The following ATAD2B variants were observed in gnomAD, a reference collection of about 807,000 sequenced individuals.
ATAD2B encodes the protein ATPase family AAA domain-containing protein 2B.
A neutral mutation model predicts 167.6 loss-of-function variants in ATAD2B; 40 were observed. The ratio of observed to expected loss-of-function variants is 0.24; its 90% CI spans 0.19 to 0.31. The LOEUF (loss-of-function observed/expected upper bound fraction) is 0.31, where lower values mean the gene tolerates loss of function less well. Among genes scored for constraint, ATAD2B ranks in the 10% least tolerant of loss-of-function variants. ATAD2B has a pLI of 1.00. For missense variants in ATAD2B, 1,242 were observed against 1,757.2 expected (o/e 0.71, Z 5.24); for synonymous variants, 579 against 596.5 (o/e 0.97, Z 0.43).
chr2:23,874,584 TC>T (rs1185194559), intron 8 of ATAD2B, among the ~76,000 whole-genome samples: 2 of 151,590 alleles, frequency 1.3e-5, no homozygotes, highest in Admixed American at 1.3e-4. Context: ...GTGCCTGTAG[TC>T]CCAGCTACTC....
At chr2:23,818,834 A>C (rs1687001319) in intron 17 of ATAD2B, among the ~76,000 whole-genome samples, 1 of 152,238 alleles carries the variant, frequency 6.6e-6, no homozygotes, top group African/African-American at 2.4e-5. Context: ...TTAAAATTAC[A>C]TTTGCACTAA....
chr2:23,863,656 A>AGGGGG, intron 11 of ATAD2B, 101 bp from the exon 12 acceptor site: 1 of 1,116,614 alleles, frequency 9.0e-7, no homozygotes, highest in Non-Finnish European at 1.2e-6. Context: ...TTTGTATTGA[A>AGGGGG]GTATAATTAT....
chr2:23,711,107 C>T, the ATAD2B span, among the ~76,000 whole-genome samples: 1 of 151,996 alleles, frequency 6.6e-6, no homozygotes, highest in Non-Finnish European at 1.5e-5. Context: ...ATGTGATACA[C>T]ATATATAAAG....
intron 25 of ATAD2B, 106 bp downstream of exon 25, chr2:23,757,312 G>T: frequency 1.2e-6 from 1 of 814,174 alleles, no homozygotes; most frequent in Non-Finnish European, 1.8e-6. Context: ...ATTCTCAGAG[G>T]GGTATAATTA....
At chr2:23,772,152 T>C (rs933892894) in intron 22 of ATAD2B, among the ~76,000 whole-genome samples, 1 of 152,052 alleles carries the variant, frequency 6.6e-6, no homozygotes, top group Non-Finnish European at 1.5e-5. Context: ...CATTGTGTCA[T>C]GTGAGGGGGT....
chr2:23,828,967 A>G, intron 14 of ATAD2B, 28 bp from the exon 15 acceptor site: 3 of 1,457,196 alleles, frequency 2.1e-6, no homozygotes, highest in Non-Finnish European at 2.9e-6. Context: ...GATACATAAA[A>G]TCTTGCCCAA....
At chr2:23,733,700 C>T in the ATAD2B span, among the ~76,000 whole-genome samples, 3 of 152,122 alleles carry the variant, frequency 2.0e-5, no homozygotes, top group Non-Finnish European at 4.4e-5. Context: ...AAGAGCAATT[C>T]CAGGCCCCTT....
At chr2:23,884,913 T>G (rs1334767962) in intron 5 of ATAD2B, 40 bp from the exon 6 acceptor site, 3 of 1,327,064 alleles carry the variant, frequency 2.3e-6, no homozygotes, top group Admixed American at 5.1e-5. Flanking sequence ...AACATGACAT[T>G]TATTCTCCAC....
chr2:23,743,934 T>TA (rs962801192), downstream of ATAD2B, among the ~76,000 whole-genome samples: 5 of 151,878 alleles, frequency 3.3e-5, no homozygotes, highest in Non-Finnish European at 5.9e-5. Flanking sequence ...TGATTATACA[T>TA]AAAAAAACAG....
At chr2:23,877,872 A>G (rs969087035) in intron 7 of ATAD2B, among the ~76,000 whole-genome samples, 1 of 151,302 alleles carries the variant, frequency 6.6e-6, no homozygotes, top group Non-Finnish European at 1.5e-5. Flanking sequence ...AAAGAAAAAG[A>G]AAAAAAGAAC....
At chr2:23,699,315 A>G in the ATAD2B span, among the ~76,000 whole-genome samples, 2 of 152,218 alleles carry the variant, frequency 1.3e-5, no homozygotes, top group East Asian at 1.9e-4. Flanking sequence ...CTGGTGGCAC[A>G]GCATGCCATG....
At chr2:23,693,248 G>A in the ATAD2B span, 4 of 1,535,384 alleles carry the variant, frequency 2.6e-6, no homozygotes, top group Admixed American at 2.0e-5. Flanking sequence ...TGGGTCAGTG[G>A]TCCTGCGCTG....
intron 14 of ATAD2B, among the ~76,000 whole-genome samples, chr2:23,830,184 A>G (rs1406888206): frequency 1.3e-5 from 2 of 152,084 alleles, no homozygotes; most frequent in Non-Finnish European, 2.9e-5. Flanking sequence ...GAGTTTCACC[A>G]TGTTGGCCAG....
At chr2:23,776,527 G>C (rs1679159151) in intron 22 of ATAD2B, among the ~76,000 whole-genome samples, 1 of 152,224 alleles carries the variant, frequency 6.6e-6, no homozygotes, top group Admixed American at 6.5e-5. Flanking sequence ...CGTTGAGTCA[G>C]TGAGTAGAGA....
intron 18 of ATAD2B, 127 bp from the exon 19 acceptor site, chr2:23,798,450 G>A (rs1255881224): frequency 3.0e-6 from 2 of 667,546 alleles, no homozygotes; most frequent in African/African-American, 1.9e-5. Context: ...CAAAATTTAA[G>A]TTCAAGATAT....
rs1491388264 is a variant in ATAD2B, at chr2:23,891,019, GAT to G, written c.369-2622_369-2621del. ...TATATTAAAAGATTTAATATACTGA[GAT>G]TTTTTTTTTTTTTTTTTGAGGTGGA... On this transcript the variant is annotated intron_variant, in intron 2 of 27. Transcript: ENST00000238789. 2.5e-4 allele frequency among the ~76,000 whole-genome samples: 34 copies of G among 135,488 alleles called. No individual in the cohort carries two copies. The East Asian group carries it at 4.9e-3, about 20-fold the overall frequency. The allele number at this position is 135,488 out of a possible 152,430, so 88.9% of individuals were successfully genotyped here.
intron 13 of ATAD2B, among the ~76,000 whole-genome samples, chr2:23,839,969 T>C (rs1690619766): frequency 6.6e-6 from 1 of 152,168 alleles, no homozygotes; most frequent in African/African-American, 2.4e-5. Context: ...AAATTTTATA[T>C]ACATGGGATC....
At position 23,863,420 on chromosome 2, in the gene ATAD2B, A is replaced by C; in HGVS notation, c.1440T>G (p.Val480=). The change falls in exon 12 of 28, where the codon GTT becomes GTG. Residue 480 remains valine, a synonymous_variant. Transcript: ENST00000238789. ...RKGADCLSKW[V]GESERQLRLL... is the part of the protein sequence containing the mutation. ...GCCTAAGTTGCCTTTCAGATTCACC[A>C]ACCCACTTGCTCAAACAATCTGCTC... is the stretch of plus-strand genomic sequence containing the variant. The C allele has an allele frequency of 6.4e-7, 1 of 1,552,318 alleles. No individual in the cohort carries two copies. Among genetic ancestry groups the C allele is most frequent in the Non-Finnish European group, 8.7e-7 (1 of 1,147,132 alleles).
At chr2:23,840,995 C>T (rs1690804871) in intron 13 of ATAD2B, among the ~76,000 whole-genome samples, 1 of 152,146 alleles carries the variant, frequency 6.6e-6, no homozygotes, top group Non-Finnish European at 1.5e-5. Flanking sequence ...CAGCCTCGAC[C>T]ACCCAGGCTC....
Sources: allele counts gnomAD v4.1 joint callset (sites outside exome capture counted in the v4.1 genomes callset), GRCh38; gene constraint gnomAD v4.1.1; transcripts MANE v1.5; gene names NCBI Gene and HGNC (gene_info 2026-07-23, HGNC 2026-07-21).